The following AGT variants were observed in gnomAD, a reference collection of about 807,000 sequenced individuals.
The protein encoded by AGT is angiotensinogen.
In AGT, 26 loss-of-function variants were observed where a neutral mutation model predicts 28.1. The ratio of observed to expected loss-of-function variants is 0.92; its 90% CI spans 0.68 to 1.28. The LOEUF (loss-of-function observed/expected upper bound fraction) is 1.28, where lower values mean the gene tolerates loss of function less well. Ranked by LOEUF, AGT falls within the 50% of genes most tolerant of loss-of-function variation. The pLI, the probability that AGT is intolerant of heterozygous loss-of-function variation, is 0.00. For synonymous variants in AGT, 259 were observed against 259.6 expected, an observed-to-expected ratio of 1.00 and a Z score of 0.02; for missense variants, 596 against 592.3, an observed-to-expected ratio of 1.01 and a Z score of -0.06.
chr1:230,719,407 T>TTTTTTTTGTTTGTTTTTG (rs776026911), upstream of AGT, among the ~76,000 whole-genome samples: 4 of 58,514 alleles, frequency 6.8e-5, no homozygotes, highest in African/African-American at 2.6e-4. Flanking sequence ...TATCATTATG[T>TTTTTTTTGTTTGTTTTTG]TTTTTTTTTT....
chr1:230,706,382 C>G (rs1458820212), intron 2 of AGT, among the ~76,000 whole-genome samples, 182 bp from the exon 3 acceptor site: 1 of 152,126 alleles, frequency 6.6e-6, no homozygotes, highest in Non-Finnish European at 1.5e-5. Context: ...TCAAATATTT[C>G]TCCTGTAAAA....
At chr1:230,704,161 C>G (rs765442957) in intron 4 of AGT, 32 bp downstream of exon 4, 12 of 1,614,202 alleles carry the variant, frequency 7.4e-6, no homozygotes, top group Non-Finnish European at 1.0e-5. Flanking sequence ...ACTTGGAACC[C>G]AGGTCAGGCA....
intron 2 of AGT, among the ~76,000 whole-genome samples, chr1:230,709,573 A>T (rs781108223): frequency 6.6e-6 from 1 of 152,124 alleles, no homozygotes; most frequent in Non-Finnish European, 1.5e-5. Context: ...CCTTCTCAAG[A>T]GATATGAACC....
intron 1 of AGT, among the ~76,000 whole-genome samples, chr1:230,739,555 G>A (rs1005180451): frequency 3.9e-5 from 6 of 152,050 alleles, no homozygotes; most frequent in African/African-American, 1.2e-4. Flanking sequence ...CAGGTGGAGG[G>A]CTCATCATTA....
intron 4 of AGT, 61 bp from the exon 5 acceptor site, chr1:230,703,390 G>A: frequency 1.3e-6 from 2 of 1,584,038 alleles, no homozygotes; most frequent in Non-Finnish European, 1.7e-6. Flanking sequence ...AGGGTGCTGA[G>A]GGCTAGAGGG....
upstream of AGT, among the ~76,000 whole-genome samples, chr1:230,715,075 C>T (rs1393203262): frequency 6.6e-6 from 1 of 151,982 alleles, no homozygotes; most frequent in South Asian, 2.1e-4. Context: ...CAAGGAGCCA[C>T]GGCATATCCA....
intron 1 of AGT, among the ~76,000 whole-genome samples, chr1:230,733,718 C>A (rs1022338765): frequency 6.6e-6 from 1 of 152,202 alleles, no homozygotes; most frequent in Non-Finnish European, 1.5e-5. Context: ...AGGAGACATA[C>A]AAATGGATTT....
chr1:230,703,474 C>T (rs2102784830), intron 4 of AGT, 145 bp from the exon 5 acceptor site: 1 of 843,162 alleles, frequency 1.2e-6, no homozygotes, highest in East Asian at 2.6e-5. Flanking sequence ...CAGGAGGATG[C>T]ACAGTGTATG....
intron 1 of AGT, among the ~76,000 whole-genome samples, chr1:230,743,812 C>T (rs1664292277): frequency 6.6e-6 from 1 of 152,242 alleles, no homozygotes; most frequent in Admixed American, 6.5e-5. Flanking sequence ...CAGAGCCACC[C>T]AGGCACTATG....
rs557964080 is a variant in AGT, at chr1:230,704,199, C to G, written c.1236G>C (p.Val412=). 31 of 1,614,272 alleles carry G rather than the reference C, an allele frequency of 1.9e-5. No homozygotes were observed. The South Asian group carries it at 2.0e-4, about 10-fold the overall frequency. The change falls in exon 4 of 5, where the codon GTG becomes GTC. Residue 412 remains valine, a synonymous_variant. Coordinates refer to ENST00000366667, the MANE Select transcript of AGT (RefSeq NM_001384479.1). Reference sequence around the variant, plus strand: ...GACACAGGCTCACACATACCTCCCCCACCCTGATGCGGTCATTGCTCAATT... The same window carrying G: ...GACACAGGCTCACACATACCTCCCCGACCCTGATGCGGTCATTGCTCAATT... ...LQKLSNDRIR[V]GEVLNSIFFE...
At chr1:230,711,172 A>C (rs1220899739) in intron 1 of AGT, among the ~76,000 whole-genome samples, 2 of 152,164 alleles carry the variant, frequency 1.3e-5, no homozygotes, top group East Asian at 3.9e-4. Flanking sequence ...GAGATGATTA[A>C]GTTAAAATGA....
chr1:230,739,198 GTTT>G (rs566967897), intron 1 of AGT, among the ~76,000 whole-genome samples: 1 of 143,864 alleles, frequency 7.0e-6, no homozygotes. Flanking sequence ...TCCTCTACAG[GTTT>G]TTTTTTTTTT....
upstream of AGT, among the ~76,000 whole-genome samples, chr1:230,715,881 C>T (rs528225952): frequency 7.9e-5 from 12 of 152,278 alleles, no homozygotes; most frequent in East Asian, 2.3e-3. Context: ...CCTCCTGCCT[C>T]GGGCCCTTGG....
chr1:230,720,179 C>T (rs11122582), intron 1 of AGT, among the ~76,000 whole-genome samples: 30,124 of 151,726 alleles, frequency 0.2, 4,073 homozygotes, highest in East Asian at 0.49. Context: ...AAATTCGGGC[C>T]GTGACTTCAC....
chr1:230,741,521 T>C (rs1431693644), intron 1 of AGT, among the ~76,000 whole-genome samples: 1 of 152,228 alleles, frequency 6.6e-6, no homozygotes, highest in East Asian at 1.9e-4. Flanking sequence ...GCTCTTACCC[T>C]ATGGTGTGAT....
At chr1:230,713,690 C>A (rs1439074269) in intron 1 of AGT, among the ~76,000 whole-genome samples, 1 of 152,162 alleles carries the variant, frequency 6.6e-6, no homozygotes, top group Non-Finnish European at 1.5e-5. Context: ...GGGATCCCAG[C>A]TGGAGACTGA....
Position 230,704,348 on chromosome 1 carries a change from G to T in AGT, c.1098-11C>A, listed in dbSNP as rs1663324025. The T allele has an allele frequency of 6.2e-7, 1 of 1,613,888 alleles. No individual in the cohort carries two copies. On this transcript the variant is annotated splice_polypyrimidine_tract_variant and intron_variant, in intron 3 of 4. Transcript: ENST00000366667. Reference sequence around the variant, plus strand: ...GTCAGGTGGATGGTCCTGGGGAGATGATGCACAGTTAGGAAGGCTCCAGGC... The same window carrying T: ...GTCAGGTGGATGGTCCTGGGGAGATTATGCACAGTTAGGAAGGCTCCAGGC...
rs553078984 is a variant in AGT at position 230,710,643 on chromosome 1, C to T, written c.181G>A (p.Ala61Thr). ...GGGGATGTCTTGGCCTGAATTGGAGCAGGTATGAAGGTGGGGTCTTTGGGC... is the reference window on the plus strand; with the variant it reads ...GGGGATGTCTTGGCCTGAATTGGAGTAGGTATGAAGGTGGGGTCTTTGGGC... Reference protein sequence around the residue: ...GKPKDPTFIPAPIQAKTSPVD... With the variant: ...GKPKDPTFIPTPIQAKTSPVD... The change falls in exon 2 of 5, where the codon GCT becomes ACT. Residue 61 changes from alanine to threonine, a missense_variant. Transcript: ENST00000366667. The T allele has an allele frequency of 1.9e-6, 3 of 1,614,222 alleles. No individual in the cohort carries two copies. The highest frequency in any genetic ancestry group is 2.5e-6 in the Non-Finnish European group (3 of 1,180,042).
At chr1:230,739,996 T>C (rs1664218500) in intron 1 of AGT, among the ~76,000 whole-genome samples, 1 of 152,170 alleles carries the variant, frequency 6.6e-6, no homozygotes, top group African/African-American at 2.4e-5. Context: ...TATGGGCTGC[T>C]CAACTGAGTA....
Sources: allele counts gnomAD v4.1 joint callset (sites outside exome capture counted in the v4.1 genomes callset), GRCh38; gene constraint gnomAD v4.1.1; transcripts MANE v1.5; gene names NCBI Gene and HGNC (gene_info 2026-07-23, HGNC 2026-07-21).